The following STRN variants were observed in gnomAD, a reference collection of about 807,000 sequenced individuals.
STRN encodes striatin.
In STRN, 53 loss-of-function variants were observed where a neutral mutation model predicts 96.3. The ratio of observed to expected loss-of-function variants is 0.55; its 90% confidence interval spans 0.44 to 0.69. The LOEUF is 0.69. Ranked by LOEUF, STRN falls within the 30% of genes least tolerant of loss-of-function variation. The pLI is 0.00. For missense variants in STRN, 987 were observed against 963.9 expected, an observed-to-expected ratio of 1.02 and a Z score of -0.32; for synonymous variants, 428 against 355.9, an observed-to-expected ratio of 1.20 and a Z score of -2.28.
Position 36,849,469 on chromosome 2 carries a change from T to A in STRN, c.2330A>T (p.Lys777Ile). The change falls in exon 18 of 18, where the codon AAA (lysine) becomes ATA (isoleucine). Residue 777 changes from lysine to isoleucine, a missense_variant. Coordinates refer to ENST00000263918, the MANE Select transcript of STRN (RefSeq NM_003162.4). ...IASAGADALA[K>I]VFV Reference sequence around the variant, plus strand: ...TGATGCATTGCGTCATACAAAGACTTTAGCCAGTGCGTCAGCTCCAGCACT... The same window carrying A: ...TGATGCATTGCGTCATACAAAGACTATAGCCAGTGCGTCAGCTCCAGCACT... 1 of 1,614,068 alleles carries A rather than the reference T, an allele frequency of 6.2e-7. No individual in the cohort carries two copies. Among genetic ancestry groups the A allele is most frequent in the Non-Finnish European group, 8.5e-7 (1 of 1,179,934 alleles).
chr2:36,904,172 T>C (rs1482516417), intron 4 of STRN, among the ~76,000 whole-genome samples: 3 of 152,230 alleles, frequency 2.0e-5, no homozygotes, highest in African/African-American at 7.2e-5. Flanking sequence ...ATATTTAAGA[T>C]CAAAGTGTGG....
chr2:36,860,455 G>A (rs769235443), intron 13 of STRN, among the ~76,000 whole-genome samples: 46 of 152,268 alleles, frequency 3.0e-4, no homozygotes, highest in Middle Eastern at 3.4e-3. Context: ...TCCTTACTCT[G>A]GTTTGGTGGT....
At chr2:36,940,502 C>G (rs13409003) in intron 1 of STRN, among the ~76,000 whole-genome samples, 5 of 151,908 alleles carry the variant, frequency 3.3e-5, no homozygotes, top group African/African-American at 1.2e-4. Flanking sequence ...TGAAACTTTT[C>G]TGTAAATCTG....
intron 10 of STRN, among the ~76,000 whole-genome samples, 191 bp from the exon 11 acceptor site, chr2:36,869,920 T>A (rs752086457): frequency 1.3e-5 from 2 of 152,202 alleles, no homozygotes; most frequent in Non-Finnish European, 2.9e-5. Flanking sequence ...CTAGTTTTCT[T>A]TGAAGAAATA....
intron 1 of STRN, among the ~76,000 whole-genome samples, chr2:36,947,975 T>G (rs1246887477): frequency 6.6e-6 from 1 of 151,842 alleles, no homozygotes; most frequent in East Asian, 1.9e-4. Flanking sequence ...TTTGGCTAAT[T>G]TTTTTTAAAT....
Position 36,845,154 on chromosome 2 carries a change from T to C in STRN, c.*4302A>G, listed in dbSNP as rs1668036200. ...ACTCTTTTTCATGTAAGTTCAATAATTATTTGGCTATTGGTTGAAAACATC... is the reference window on the plus strand; with the variant it reads ...ACTCTTTTTCATGTAAGTTCAATAACTATTTGGCTATTGGTTGAAAACATC... On this transcript the variant is annotated 3_prime_UTR_variant, in exon 18 of 18. Coordinates refer to ENST00000263918, the MANE Select transcript of STRN (RefSeq NM_003162.4). The C allele has an allele frequency of 1.3e-5, 2 of 152,154 alleles. No homozygotes were observed. The highest frequency in any genetic ancestry group is 4.1e-4 in the South Asian group (2 of 4,828). The allele number at this position is 152,154 out of a possible 1,614,324, so 9.4% of individuals were successfully genotyped here. A position where few individuals can be genotyped will look rare whatever the true frequency, so the allele number is the denominator to read the frequency against.
intron 1 of STRN, among the ~76,000 whole-genome samples, chr2:36,962,442 T>C (rs909671065): frequency 1.3e-5 from 2 of 152,178 alleles, no homozygotes; most frequent in Non-Finnish European, 2.9e-5. Flanking sequence ...AATTTTCAAA[T>C]ACTGAGCCTT....
chr2:36,867,806 A>G lies in STRN; in HGVS notation c.1547+8T>C, dbSNP rs1437412528. ...TCGGTTTAAAATAAAGAAAAAACAT[A>G]TACTTACTTATGGGCTCTGAATGTA... On this transcript the variant is annotated splice_region_variant and intron_variant, in intron 12 of 17. Transcript: ENST00000263918. 1.3e-6 allele frequency: 2 copies of G among 1,548,418 alleles called. No individual in the cohort carries two copies. The highest frequency in any genetic ancestry group is 1.7e-6 in the Non-Finnish European group (2 of 1,145,828).
chr2:36,962,471 A>G (rs1283734470), intron 1 of STRN, among the ~76,000 whole-genome samples: 1 of 152,046 alleles, frequency 6.6e-6, no homozygotes, highest in Non-Finnish European at 1.5e-5. Context: ...ATGAACTCAT[A>G]AAGTTCTTTA....
At chr2:36,867,903 A>G (rs1668670394) in intron 11 of STRN, 42 bp from the exon 12 acceptor site, 1 of 1,460,354 alleles carries the variant, frequency 6.8e-7, no homozygotes, top group Non-Finnish European at 9.3e-7. Flanking sequence ...AAGTGTCAGT[A>G]AACAGTATAA....
chr2:36,912,567 G>A (rs558108376), intron 3 of STRN, among the ~76,000 whole-genome samples: 4 of 151,908 alleles, frequency 2.6e-5, no homozygotes, highest in Non-Finnish European at 2.9e-5. Flanking sequence ...TCTTTTTCAC[G>A]TTTCCGTTCT....
At chr2:36,924,548 G>C (rs949218634) in intron 2 of STRN, among the ~76,000 whole-genome samples, 2 of 151,966 alleles carry the variant, frequency 1.3e-5, no homozygotes, top group East Asian at 3.8e-4. Flanking sequence ...GAGCATATTT[G>C]CTTCTTCAAA....
chr2:36,952,228 C>T (rs145707433), intron 1 of STRN, among the ~76,000 whole-genome samples: 1 of 152,156 alleles, frequency 6.6e-6, no homozygotes, highest in Non-Finnish European at 1.5e-5. Context: ...ATTTTAACAT[C>T]TTTTCGGATT....
At chr2:36,934,827 A>G (rs536426908) in intron 1 of STRN, among the ~76,000 whole-genome samples, 3 of 152,332 alleles carry the variant, frequency 2.0e-5, no homozygotes, top group Admixed American at 6.5e-5. Context: ...CTGTAATCCC[A>G]GCACTTTGAG....
intron 12 of STRN, among the ~76,000 whole-genome samples, chr2:36,865,652 C>A (rs1033900323): frequency 1.3e-5 from 2 of 152,118 alleles, no homozygotes; most frequent in Non-Finnish European, 2.9e-5. Flanking sequence ...ACCTCTGCCT[C>A]CTGGGTTCAA....
chr2:36,880,811 A>T (rs1364445109), intron 9 of STRN, among the ~76,000 whole-genome samples: 1 of 152,208 alleles, frequency 6.6e-6, no homozygotes, highest in African/African-American at 2.4e-5. Flanking sequence ...TAAGATTCCT[A>T]GGATAGACCA....
At chr2:36,952,228 C>A (rs145707433) in intron 1 of STRN, among the ~76,000 whole-genome samples, 132 of 152,274 alleles carry the variant, frequency 8.7e-4, no homozygotes, top group African/African-American at 3.0e-3. Context: ...ATTTTAACAT[C>A]TTTTCGGATT....
rs187670396 is a variant in STRN at position 36,840,997 on chromosome 2, A to T, written c.*8459T>A. The T allele has an allele frequency of 4.6e-5, 7 of 152,274 alleles. No homozygotes were observed. The highest frequency in any genetic ancestry group is 1.7e-4 in the African/African-American group (7 of 41,560). The allele number at this position is 152,274 out of a possible 1,614,324, so 9.4% of individuals were successfully genotyped here. On this transcript the variant is annotated 3_prime_UTR_variant, in exon 18 of 18. Transcript: ENST00000263918. ...TTAGCAGAGGCAAGCTATACTATCA[A>T]TTGGACACCTCAAGGGCACAAAATT...
intron 1 of STRN, among the ~76,000 whole-genome samples, chr2:36,955,333 C>G (rs1572699996): frequency 6.6e-6 from 1 of 152,058 alleles, no homozygotes; most frequent in Admixed American, 6.6e-5. Flanking sequence ...TTCTAAGGTC[C>G]CTCTGAGGTA....
Sources: allele counts gnomAD v4.1 joint callset (sites outside exome capture counted in the v4.1 genomes callset), GRCh38; gene constraint gnomAD v4.1.1; transcripts MANE v1.5; gene names NCBI Gene and HGNC (gene_info 2026-07-23, HGNC 2026-07-21).